The following OVCH1 variants were observed in gnomAD, a reference collection of about 807,000 sequenced individuals.
OVCH1 encodes ovochymase 1.
A neutral mutation model predicts 138.4 loss-of-function variants in OVCH1; 139 were observed. The ratio of observed to expected loss-of-function variants is 1.00; its 90% CI spans 0.87 to 1.16. The LOEUF is 1.16. OVCH1 is among the 50% of genes most tolerant of loss of function. The probability of loss-of-function intolerance (pLI) is 0.00; values close to 1 mark genes in which losing one functional copy is unlikely to be tolerated. For missense variants in OVCH1, 1,367 were observed against 1,357.9 expected (o/e 1.01, Z -0.11); for synonymous variants, 453 against 467.8 (o/e 0.97, Z 0.41).
intron 22 of OVCH1, among the ~76,000 whole-genome samples, chr12:29,447,779 A>C (rs2135934517): frequency 6.6e-6 from 1 of 152,240 alleles, no homozygotes; most frequent in Middle Eastern, 3.4e-3. Context: ...AATGTAATAG[A>C]CAATGACTGT....
chr12:29,496,272 G>C (rs1457147641), exon 3 of OVCH1: 1 of 1,601,718 alleles, frequency 6.2e-7, no homozygotes, highest in Non-Finnish European at 8.5e-7. Context: ...TCTGATTTTA[G>C]GGAGACCTAC....
intron 3 of OVCH1, among the ~76,000 whole-genome samples, chr12:29,420,956 C>T (rs561568963): frequency 4.6e-5 from 7 of 152,354 alleles, no homozygotes; most frequent in South Asian, 4.1e-4. Flanking sequence ...TTTCTTGTGA[C>T]ATAGGGAGAG....
intron 3 of OVCH1, among the ~76,000 whole-genome samples, chr12:29,416,355 T>G (rs1941031135): frequency 6.6e-6 from 1 of 152,036 alleles, no homozygotes; most frequent in South Asian, 2.1e-4. Context: ...AAAGACTCTG[T>G]TAAGAGGATG....
intron 22 of OVCH1, among the ~76,000 whole-genome samples, chr12:29,448,098 T>C (rs1216581317): frequency 1.3e-5 from 2 of 149,450 alleles, no homozygotes; most frequent in Non-Finnish European, 3.0e-5. Context: ...GGAGGGATGG[T>C]TTTGGGATGA....
intron 21 of OVCH1, among the ~76,000 whole-genome samples, chr12:29,454,259 C>T (rs544345559): frequency 3.3e-5 from 5 of 152,214 alleles, no homozygotes; most frequent in African/African-American, 9.6e-5. Context: ...TAAACTCTTA[C>T]TAGTTGTTTA....
chr12:29,478,913 T>G (rs370187681), intron 8 of OVCH1: 1 of 1,572,524 alleles, frequency 6.4e-7, no homozygotes, highest in African/African-American at 1.4e-5. Flanking sequence ...TCTAAACTTG[T>G]AAATTTTATC....
Position 29,478,714 on chromosome 12 carries a change from G to T in OVCH1, c.1069+121C>A, listed in dbSNP as rs554502743. 1.7e-5 allele frequency: 9 copies of T among 527,396 alleles called. No individual in the cohort carries two copies. The Admixed American group carries it at 3.0e-4, about 18-fold the overall frequency. The allele number at this position is 527,396 out of a possible 1,614,324, so 32.7% of individuals were successfully genotyped here. A position where few individuals can be genotyped will look rare whatever the true frequency, so the allele number is the denominator to read the frequency against. On this transcript the variant is annotated intron_variant, in intron 9 of 27. Transcript: ENST00000318184. Reference sequence around the variant, plus strand: ...AAGCAAGTTTATTAGGAAAGTAAAGGAATAAATAATGGCTACTCCATAGGC... The same window carrying T: ...AAGCAAGTTTATTAGGAAAGTAAAGTAATAAATAATGGCTACTCCATAGGC...
exon 3 of OVCH1, chr12:29,496,209 C>A (rs376740689): frequency 3.1e-6 from 5 of 1,608,980 alleles, no homozygotes; most frequent in African/African-American, 1.3e-5. Context: ...CAGTGTGCTG[C>A]TGTAACAACC....
intron 21 of OVCH1, among the ~76,000 whole-genome samples, chr12:29,453,047 C>T (rs1941842322): frequency 6.6e-6 from 1 of 152,174 alleles, no homozygotes; most frequent in Non-Finnish European, 1.5e-5. Context: ...ATGGCACTGT[C>T]ACCACCATTT....
At chr12:29,404,202 A>T in the OVCH1 span, among the ~76,000 whole-genome samples, 2 of 152,186 alleles carry the variant, frequency 1.3e-5, no homozygotes, top group African/African-American at 4.8e-5. Context: ...GGCAGATGTG[A>T]TCCAATCCCT....
intron 19 of OVCH1, among the ~76,000 whole-genome samples, chr12:29,459,761 A>G (rs1243017726): frequency 6.6e-6 from 1 of 152,152 alleles, no homozygotes; most frequent in African/African-American, 2.4e-5. Flanking sequence ...TATGCCTACT[A>G]TATACCCACA....
intron 25 of OVCH1, among the ~76,000 whole-genome samples, chr12:29,441,886 G>A (rs564882433): frequency 1.3e-5 from 2 of 152,222 alleles, no homozygotes; most frequent in East Asian, 3.9e-4. Context: ...CACCGTCACT[G>A]GCCATCAGAG....
intron 25 of OVCH1, among the ~76,000 whole-genome samples, chr12:29,442,499 C>T (rs1171391000): frequency 2.0e-5 from 3 of 147,368 alleles, no homozygotes; most frequent in African/African-American, 7.5e-5. Flanking sequence ...GGAGGGATAG[C>T]TTTAGGAGAT....
intron 22 of OVCH1, among the ~76,000 whole-genome samples, chr12:29,447,665 C>G (rs1941655719): frequency 6.6e-6 from 1 of 151,508 alleles, no homozygotes; most frequent in Non-Finnish European, 1.5e-5. Flanking sequence ...GCCAATGTAA[C>G]AGACAATGAC....
chr12:29,489,955 TCAG>T (rs753297419), intron 5 of OVCH1, among the ~76,000 whole-genome samples, 184 bp from the exon 6 acceptor site: 36 of 152,242 alleles, frequency 2.4e-4, no homozygotes, highest in Non-Finnish European at 4.4e-4. Context: ...TTTTGAAAAT[TCAG>T]CAGATTTTTA....
chr12:29,406,316 TTTTA>T, the OVCH1 span, among the ~76,000 whole-genome samples: 1 of 152,164 alleles, frequency 6.6e-6, no homozygotes, highest in Non-Finnish European at 1.5e-5. Context: ...ATTTATTTAT[TTTTA>T]TTATTATACT....
intron 3 of OVCH1, among the ~76,000 whole-genome samples, chr12:29,413,776 T>G (rs1592020359): frequency 6.6e-6 from 1 of 152,346 alleles, no homozygotes; most frequent in African/African-American, 2.4e-5. Context: ...CCTGGATCAT[T>G]TATTTCAATG....
At chr12:29,474,742 T>G (rs1049193318) in intron 14 of OVCH1, among the ~76,000 whole-genome samples, 2 of 152,190 alleles carry the variant, frequency 1.3e-5, no homozygotes, top group African/African-American at 4.8e-5. Flanking sequence ...CTTGGTAAAA[T>G]AGAGTCAGTC....
At chr12:29,415,761 A>G (rs1358223891) in intron 3 of OVCH1, among the ~76,000 whole-genome samples, 1 of 152,218 alleles carries the variant, frequency 6.6e-6, no homozygotes, top group Non-Finnish European at 1.5e-5. Context: ...TGCAATTTCT[A>G]TCAAAATCAC....
Sources: gnomAD v4.1 joint callset for allele counts (sites outside exome capture counted in the v4.1 genomes callset) on GRCh38, gnomAD v4.1.1 for gene constraint, MANE v1.5 for transcripts, NCBI Gene and HGNC (gene_info 2026-07-23, HGNC 2026-07-21) for gene names.